Variants in ETS1 observed in about 807,000 individuals in gnomAD.
ETS1 encodes protein C-ets-1.
A neutral mutation model predicts 58.6 loss-of-function variants in ETS1; 15 were observed. The ratio of observed to expected loss-of-function variants is 0.26; its 90% CI spans 0.17 to 0.39. The LOEUF (loss-of-function observed/expected upper bound fraction) is 0.39. Ranked by LOEUF, ETS1 falls within the 10% of genes least tolerant of loss-of-function variation. ETS1 has a pLI of 1.00. For synonymous variants in ETS1, 214 were observed against 218.2 expected (o/e 0.98, Z 0.17); for missense variants, 417 against 610.5 (o/e 0.68, Z 3.34).
At chr11:128,553,690 C>T (rs949573887) in intron 3 of ETS1, among the ~76,000 whole-genome samples, 2 of 151,942 alleles carry the variant, frequency 1.3e-5, no homozygotes, top group African/African-American at 2.4e-5. Context: ...TCCACACTCC[C>T]GCCACCCTCC....
chr11:128,463,640 G>A lies in ETS1; in HGVS notation c.1124-13C>T. The A allele has an allele frequency of 1.4e-6, 2 of 1,419,346 alleles. No homozygotes were observed. The highest frequency in any genetic ancestry group is 2.0e-6 in the Non-Finnish European group (2 of 1,002,424). The allele number at this position is 1,419,346 out of a possible 1,614,324, so 87.9% of individuals were successfully genotyped here. On this transcript the variant is annotated splice_polypyrimidine_tract_variant and intron_variant, in intron 8 of 9. Coordinates refer to ENST00000392668, the MANE Select transcript of ETS1 (RefSeq NM_001143820.2). This position sits in a 1 kb window ranked among gnomAD's most constrained non-coding sequence, Gnocchi z 4.1. ...ATTGGTCCACTGCCTAGAAACACAA[G>A]CCATTGTGAATCATTACACCAGATA...
intron 2 of ETS1, among the ~76,000 whole-genome samples, chr11:128,565,750 C>T (rs1864483185): frequency 6.6e-6 from 1 of 152,236 alleles, no homozygotes; most frequent in Non-Finnish European, 1.5e-5. Flanking sequence ...CTCATTCCCA[C>T]TTTGGTTTTA....
At chr11:128,571,697 A>C (rs1864637712) in intron 2 of ETS1, 1 of 152,038 alleles carries the variant, frequency 6.6e-6, no homozygotes. Flanking sequence ...TATTGGTGTT[A>C]ATTCAGATCC....
intron 1 of ETS1, among the ~76,000 whole-genome samples, chr11:128,576,920 C>T (rs961705174): frequency 6.6e-6 from 1 of 152,206 alleles, no homozygotes; most frequent in African/African-American, 2.4e-5. Context: ...TCCTGAGCCA[C>T]GCTTCACCCC....
At position 128,509,190 on chromosome 11, in the gene ETS1, C is replaced by T. The variant is rs1863323559; in HGVS notation, c.215-18614G>A. On this transcript the variant is annotated intron_variant, in intron 3 of 9. Coordinates refer to ENST00000392668, the MANE Select transcript of ETS1 (RefSeq NM_001143820.2). ...AGGCATGGAAAAGCCACAAAGCTCC[C>T]TGCAAGAGAGACCTTCAGAAATCCA... Among the ~76,000 whole-genome samples the T allele has an allele frequency of 3.3e-5, 5 of 152,350 alleles. No individual in the cohort carries two copies. The South Asian group carries it at 1.0e-3, about 32-fold the overall frequency.
chr11:128,562,043 C>T (rs570701565), intron 2 of ETS1, among the ~76,000 whole-genome samples: 14 of 152,290 alleles, frequency 9.2e-5, no homozygotes, highest in African/African-American at 3.1e-4. Flanking sequence ...AGCAAGTATA[C>T]AGGATCATGG....
At chr11:128,511,079 C>A (rs11221332) in intron 3 of ETS1, among the ~76,000 whole-genome samples, 2 of 152,004 alleles carry the variant, frequency 1.3e-5, no homozygotes, top group African/African-American at 4.8e-5. Context: ...TCTCTGTATG[C>A]CTCCTTGGTA....
chr11:128,490,597 T>C (rs1388490404), intron 3 of ETS1, 21 bp from the exon 4 acceptor site: 2 of 1,598,360 alleles, frequency 1.3e-6, no homozygotes, highest in Admixed American at 1.7e-5. Context: ...AAATTGCATA[T>C]GAATAACAAA....
intron 3 of ETS1, among the ~76,000 whole-genome samples, chr11:128,512,227 T>C (rs1863410747): frequency 6.6e-6 from 1 of 152,192 alleles, no homozygotes; most frequent in Admixed American, 6.5e-5. Flanking sequence ...TGCTTCACTA[T>C]TGGGGCGAAA....
intron 3 of ETS1, among the ~76,000 whole-genome samples, chr11:128,523,982 TGAACAAA>T (rs1863752704): frequency 6.6e-6 from 1 of 152,194 alleles, no homozygotes; most frequent in Admixed American, 6.5e-5. Flanking sequence ...GGAGAAGAAG[TGAACAAA>T]TCTAGAGTTG....
Position 128,517,281 on chromosome 11 carries a change from G to T in ETS1, c.215-26705C>A, listed in dbSNP as rs1863551664. Among the ~76,000 whole-genome samples, 3 of 152,182 alleles carry T rather than the reference G, an allele frequency of 2.0e-5. No homozygotes were observed. In the South Asian group the frequency reaches 6.2e-4, roughly 32 times the overall value. On this transcript the variant is annotated intron_variant, in intron 3 of 9. Transcript: ENST00000392668. Reference sequence around the variant, plus strand: ...ACCGACCAGCATTGCCTTCTCACCTGCCTGTGTTCTAATTTCCAGAGTTTT... The same window carrying T: ...ACCGACCAGCATTGCCTTCTCACCTTCCTGTGTTCTAATTTCCAGAGTTTT...
At chr11:128,521,844 G>T in intron 3 of ETS1, 2 of 1,283,708 alleles carry the variant, frequency 1.6e-6, no homozygotes, top group South Asian at 1.3e-5. Context: ...GCGAAAGGGG[G>T]AAGAAGTCCA....
At chr11:128,499,042 T>TGCATCCTATTGGTTCTTCCCACATC (rs1863017102) in intron 3 of ETS1, among the ~76,000 whole-genome samples, 1 of 152,180 alleles carries the variant, frequency 6.6e-6, no homozygotes, top group African/African-American at 2.4e-5. Context: ...AGAACCACAT[T>TGCATCCTATTGGTTCTTCCCACATC]GCATCCTATT....
At chr11:128,487,764 T>A (rs1018918627) in intron 5 of ETS1, among the ~76,000 whole-genome samples, 18 of 151,686 alleles carry the variant, frequency 1.2e-4, no homozygotes, top group Admixed American at 1.3e-4. Flanking sequence ...TAAAATAAAA[T>A]AAAAATATAC....
At chr11:128,494,698 C>A (rs1862892207) in intron 3 of ETS1, among the ~76,000 whole-genome samples, 1 of 152,172 alleles carries the variant, frequency 6.6e-6, no homozygotes, top group South Asian at 2.1e-4. Flanking sequence ...CTCTTACCAA[C>A]AATGGTACAC....
rs1861990093 is a variant in ETS1, at chr11:128,464,788, A to G, written c.1124-1161T>C. 6.6e-6 allele frequency among the ~76,000 whole-genome samples: 1 copy of G among 152,194 alleles called. No homozygotes were observed. The highest frequency in any genetic ancestry group is 6.5e-5 in the Admixed American group (1 of 15,282). ...AACTTTAAGTTCCCTCTCAATCTAA[A>G]AAAGAAATTGCCTTCATAATCCATA... On this transcript the variant is annotated intron_variant, in intron 8 of 9. Coordinates refer to ENST00000392668, the MANE Select transcript of ETS1 (RefSeq NM_001143820.2). This position sits in a 1 kb window ranked among gnomAD's most constrained non-coding sequence, Gnocchi z 4.1.
Position 128,464,614 on chromosome 11 carries a change from C to T in ETS1, c.1124-987G>A, listed in dbSNP as rs78844317. Among the ~76,000 whole-genome samples the T allele has an allele frequency of 0.01, 1,585 of 152,142 alleles. 19 individuals carry two copies. The highest frequency in any genetic ancestry group is 0.014 in the Non-Finnish European group (936 of 67,990). On this transcript the variant is annotated intron_variant, in intron 8 of 9. Coordinates refer to ENST00000392668, the MANE Select transcript of ETS1 (RefSeq NM_001143820.2). This position sits in a 1 kb window ranked among gnomAD's most constrained non-coding sequence, Gnocchi z 4.1. ...TATAACATAAACAAACTGGGCAGAG[C>T]GGGACTGGGAAAGACCCAGTCCATG...
At chr11:128,573,893 A>G (rs544807276) in intron 1 of ETS1, among the ~76,000 whole-genome samples, 3 of 152,378 alleles carry the variant, frequency 2.0e-5, no homozygotes, top group Admixed American at 1.3e-4. Context: ...GCATTTAAAA[A>G]GTCGTTCTTG....
chr11:128,528,627 T>C (rs1281703842), intron 3 of ETS1, among the ~76,000 whole-genome samples: 2 of 152,240 alleles, frequency 1.3e-5, no homozygotes, highest in Non-Finnish European at 2.9e-5. Flanking sequence ...CCATAAATTA[T>C]GTTCATTATT....
Sources: allele counts gnomAD v4.1 joint callset (sites outside exome capture counted in the v4.1 genomes callset), GRCh38; gene constraint gnomAD v4.1.1; non-coding constraint Gnocchi (gnomAD v3.1); transcripts MANE v1.5; gene names NCBI Gene and HGNC (gene_info 2026-07-23, HGNC 2026-07-21).